IQCH: variants seen among roughly 807,000 people sequenced by gnomAD.
IQCH encodes IQ motif containing H.
IQCH carries 98 observed loss-of-function variants against 117.0 expected under a neutral mutation model. That is an observed-to-expected ratio of 0.84 (90% confidence interval 0.71 to 0.99). The LOEUF (loss-of-function observed/expected upper bound fraction) is 0.99, where lower values mean the gene tolerates loss of function less well. IQCH is among the 50% of genes least tolerant of loss of function. IQCH has a pLI of 0.00. For missense variants in IQCH, 1,102 were observed against 1,243.8 expected, an observed-to-expected ratio of 0.89 and a Z score of 1.72; for synonymous variants, 412 against 448.2, an observed-to-expected ratio of 0.92 and a Z score of 1.02.
intron 4 of IQCH, among the ~76,000 whole-genome samples, chr15:67,291,446 G>A (rs577634406): frequency 1.3e-5 from 2 of 152,126 alleles, no homozygotes; most frequent in African/African-American, 4.8e-5. Context: ...CTCACCCCAA[G>A]TTCCTTAAAA....
chr15:67,378,043 T>TA (rs1453192293), intron 10 of IQCH, among the ~76,000 whole-genome samples: 1 of 152,122 alleles, frequency 6.6e-6, no homozygotes, highest in Admixed American at 6.5e-5. Flanking sequence ...TAGGGAAACT[T>TA]ACTTTTGTGT....
At chr15:67,316,352 G>A (rs975944) in intron 4 of IQCH, among the ~76,000 whole-genome samples, 47,375 of 151,868 alleles carry the variant, frequency 0.31, 7,771 homozygotes, top group African/African-American at 0.42. Context: ...TTGGGCAGGA[G>A]GTTTTACTTT....
intron 4 of IQCH, among the ~76,000 whole-genome samples, chr15:67,321,985 C>T (rs764450106): frequency 2.0e-5 from 3 of 152,116 alleles, no homozygotes; most frequent in African/African-American, 7.2e-5. Flanking sequence ...GCCCAGGTAG[C>T]GGATGATGAT....
intron 4 of IQCH, among the ~76,000 whole-genome samples, chr15:67,298,845 G>A (rs1269675958): frequency 1.3e-5 from 2 of 152,080 alleles, no homozygotes; most frequent in Non-Finnish European, 2.9e-5. Flanking sequence ...CAGCCTGGGT[G>A]ACAGAGCAAT....
At chr15:67,363,626 G>A (rs1298415811) in intron 8 of IQCH, among the ~76,000 whole-genome samples, 1 of 152,092 alleles carries the variant, frequency 6.6e-6, no homozygotes, top group African/African-American at 2.4e-5. Context: ...TGTGTGTCAT[G>A]GGGATTTGGT....
At chr15:67,399,483 T>C (rs1298044993) in intron 13 of IQCH, among the ~76,000 whole-genome samples, 1 of 152,020 alleles carries the variant, frequency 6.6e-6, no homozygotes, top group East Asian at 1.9e-4. Flanking sequence ...TCAAATAAAA[T>C]GTCAAGTAGG....
chr15:67,289,289 AAG>A (rs1966674720), intron 4 of IQCH, among the ~76,000 whole-genome samples: 1 of 152,156 alleles, frequency 6.6e-6, no homozygotes, highest in South Asian at 2.1e-4. Flanking sequence ...AGTATGGAAA[AAG>A]AGATTGGAGT....
chr15:67,343,137 G>A (rs1308954053), intron 5 of IQCH, among the ~76,000 whole-genome samples: 1 of 152,094 alleles, frequency 6.6e-6, no homozygotes, highest in African/African-American at 2.4e-5. Context: ...AATAGAAATA[G>A]CATTGGTCCC....
In IQCH at chr15:67,480,328, C is replaced by T. The variant is rs191015631; in HGVS notation, c.2799+4510C>T. On this transcript the variant is annotated intron_variant, in intron 18 of 20. Coordinates refer to ENST00000335894, the MANE Select transcript of IQCH (RefSeq NM_001031715.3). Reference sequence around the variant, plus strand: ...CAGTGAAATATAAGCAGAGGTAATACGTGTCCTTGTTATGCAGAAGCCTGT... The same window carrying T: ...CAGTGAAATATAAGCAGAGGTAATATGTGTCCTTGTTATGCAGAAGCCTGT... Among the ~76,000 whole-genome samples, 99 of 152,290 alleles carry T rather than the reference C, an allele frequency of 6.5e-4. 3 individuals carry two copies. Among genetic ancestry groups the T allele is most frequent in the Admixed American group, 5.6e-3 (86 of 15,300 alleles).
At position 67,472,702 on chromosome 15, in the gene IQCH, C is replaced by G. The variant is rs566505926; in HGVS notation, c.2677-2994C>G. ...GCCTTGTCAGGTTCTGAACTTCTTT[C>G]TCACTCCATATAACCTTTCCACTGC... On this transcript the variant is annotated intron_variant, in intron 17 of 20. Transcript: ENST00000335894. This position sits in a 1 kb window ranked among gnomAD's most constrained non-coding sequence, Gnocchi z 4.3. 6.6e-6 allele frequency among the ~76,000 whole-genome samples: 1 copy of G among 152,250 alleles called. No individual in the cohort carries two copies. The highest frequency in any genetic ancestry group is 2.4e-5 in the African/African-American group (1 of 41,538).
At chr15:67,374,163 G>A (rs1224246034) in intron 10 of IQCH, 6 of 152,202 alleles carry the variant, frequency 3.9e-5, no homozygotes, top group Non-Finnish European at 7.3e-5. Context: ...ATGAGCTACT[G>A]TCAACATGTT....
intron 3 of IQCH, among the ~76,000 whole-genome samples, chr15:67,276,648 A>G (rs1222930063): frequency 6.6e-6 from 1 of 151,482 alleles, no homozygotes; most frequent in Non-Finnish European, 1.5e-5. Context: ...ATTTCAATTC[A>G]TTGTCTTCTT....
intron 16 of IQCH, among the ~76,000 whole-genome samples, chr15:67,429,411 AGG>A (rs1327045738): frequency 3.9e-5 from 6 of 152,148 alleles, no homozygotes; most frequent in Middle Eastern, 3.2e-3. Flanking sequence ...CCAGCTACTC[AGG>A]AGACTGAGGT....
rs988672352 is a variant in IQCH at position 67,390,220 on chromosome 15, G to T, written c.1632+1214G>T. ...CCACCAATGTAAGAATTTCTTTGGT[G>T]CTTCCTAGTTATTGCTTGGCCTCAA... On this transcript the variant is annotated intron_variant, in intron 12 of 20. Coordinates refer to ENST00000335894, the MANE Select transcript of IQCH (RefSeq NM_001031715.3). The surrounding 1 kb of genome is among the most constrained non-coding windows in gnomAD (Gnocchi z 5.0). 2.0e-5 allele frequency among the ~76,000 whole-genome samples: 3 copies of T among 152,152 alleles called. No individual in the cohort carries two copies. Among genetic ancestry groups the T allele is most frequent in the South Asian group, 2.1e-4 (1 of 4,832 alleles).
At chr15:67,294,806 C>G (rs933359479) in intron 4 of IQCH, among the ~76,000 whole-genome samples, 1 of 152,226 alleles carries the variant, frequency 6.6e-6, no homozygotes, top group Non-Finnish European at 1.5e-5. Context: ...TCAGATCTAA[C>G]TGATTCAGTG....
intron 13 of IQCH, among the ~76,000 whole-genome samples, chr15:67,399,301 G>T (rs1971566783): frequency 6.6e-6 from 1 of 152,166 alleles, no homozygotes; most frequent in South Asian, 2.1e-4. Flanking sequence ...ATAGATTATG[G>T]TATTAAATGA....
chr15:67,321,121 A>G (rs764648049), intron 4 of IQCH, among the ~76,000 whole-genome samples: 3 of 152,190 alleles, frequency 2.0e-5, no homozygotes, highest in African/African-American at 4.8e-5. Flanking sequence ...ACTTTCCTTC[A>G]TTAGTCACAT....
rs1555494492 is a variant in IQCH at position 67,428,862 on chromosome 15, A to AG, written c.2505+7285_2505+7286insG. Among the ~76,000 whole-genome samples, 325 of 150,310 alleles carry AG rather than the reference A, an allele frequency of 2.2e-3. 1 individual carries two copies. Among genetic ancestry groups the AG allele is most frequent in the South Asian group, 0.014 (66 of 4,680 alleles). ...GACTCTGTCTCAAAAAAAAAAAAAA[A>AG]AGAGAGAGAGAGAGGCAGGGGGATC... On this transcript the variant is annotated intron_variant, in intron 16 of 20. Transcript: ENST00000335894.
intron 3 of IQCH, among the ~76,000 whole-genome samples, chr15:67,274,727 G>C (rs1200401957): frequency 6.6e-6 from 1 of 152,018 alleles, no homozygotes; most frequent in East Asian, 1.9e-4. Flanking sequence ...CTGTATGTCT[G>C]TTTCTTTGCA....
Sources: allele counts gnomAD v4.1 joint callset (sites outside exome capture counted in the v4.1 genomes callset), GRCh38; gene constraint gnomAD v4.1.1; non-coding constraint Gnocchi (gnomAD v3.1); transcripts MANE v1.5; gene names NCBI Gene and HGNC (gene_info 2026-07-23, HGNC 2026-07-21).